The following NUDC variants were observed in gnomAD, a reference collection of about 807,000 sequenced individuals.
The protein encoded by NUDC is nuclear migration protein nudC.
Under a neutral mutation model 45.0 loss-of-function variants are expected in NUDC, and 14 were observed. The ratio of observed to expected loss-of-function variants is 0.31; its 90% CI spans 0.21 to 0.49. The LOEUF (loss-of-function observed/expected upper bound fraction) is 0.49. Among genes scored for constraint, NUDC ranks in the 20% least tolerant of loss-of-function variants. NUDC has a pLI of 0.99. For synonymous variants in NUDC, 153 were observed against 156.7 expected (o/e 0.98, Z 0.17); for missense variants, 323 against 426.2 (o/e 0.76, Z 2.13).
intron 3 of NUDC, among the ~76,000 whole-genome samples, chr1:26,916,132 A>G (rs1471125460): frequency 6.6e-6 from 1 of 152,080 alleles, no homozygotes; most frequent in Non-Finnish European, 1.5e-5. Flanking sequence ...CACGCCTGTA[A>G]TCACAGCACT....
intron 6 of NUDC, 120 bp downstream of exon 6, chr1:26,943,185 A>C: frequency 9.8e-7 from 1 of 1,023,336 alleles, no homozygotes; most frequent in South Asian, 1.3e-5. Flanking sequence ...TCCCCATGAC[A>C]ACACTCTTTA....
intron 2 of NUDC, among the ~76,000 whole-genome samples, chr1:26,935,155 T>C (rs2082218280): frequency 6.6e-6 from 1 of 151,990 alleles, no homozygotes; most frequent in Admixed American, 6.6e-5. Flanking sequence ...CTAATTTTTG[T>C]ATTTTTAGTA....
upstream of NUDC, chr1:26,921,704 G>A: frequency 1.1e-5 from 9 of 849,960 alleles, no homozygotes; most frequent in South Asian, 1.4e-4. Context: ...GTGGAGGCGG[G>A]CCTGGGCAGC....
rs1265791062 is a variant in NUDC, at chr1:26,921,811, G to C, written c.-38G>C. 2 of 1,544,986 alleles carry C rather than the reference G, an allele frequency of 1.3e-6. No homozygotes were observed. The highest frequency in any genetic ancestry group is 2.4e-5 in the East Asian group (1 of 40,934). The stretch of plus-strand genomic sequence containing the variant: ...CAGGAGCGTAGAGAGCGCGGGACTA[G>C]AGTGCAGAGCTCCGGGACGTGGATC... On this transcript the variant is annotated 5_prime_UTR_variant, in exon 1 of 9. Coordinates refer to ENST00000321265, the MANE Select transcript of NUDC (RefSeq NM_006600.4).
chr1:26,923,487 T>G (rs1443139969), intron 1 of NUDC, among the ~76,000 whole-genome samples: 2 of 152,158 alleles, frequency 1.3e-5, no homozygotes, highest in Non-Finnish European at 2.9e-5. Context: ...GTGTCTTTTT[T>G]TTTGTTTAGA....
At chr1:26,901,665 A>C (rs1240443923) in intron 1 of NUDC, among the ~76,000 whole-genome samples, 5 of 152,086 alleles carry the variant, frequency 3.3e-5, no homozygotes, top group African/African-American at 1.2e-4. Context: ...TTGGCCTCCC[A>C]AAGTGCTGAG....
chr1:26,900,470 C>G (rs760371984), intron 1 of NUDC: 40 of 1,579,052 alleles, frequency 2.5e-5, no homozygotes, highest in Non-Finnish European at 2.9e-5. Flanking sequence ...TCAGCTAGAA[C>G]CAAGTCTCGC....
At chr1:26,904,874 CAG>C (rs2081995995) in intron 2 of NUDC, among the ~76,000 whole-genome samples, 1 of 148,012 alleles carries the variant, frequency 6.8e-6, no homozygotes, top group Admixed American at 6.8e-5. Context: ...TTTTCTGAGA[CAG>C]AGTCTTGCTC....
chr1:26,914,716 C>T lies in NUDC; in HGVS notation c.93+3481C>T, dbSNP rs112083739. 2.0e-3 allele frequency among the ~76,000 whole-genome samples: 298 copies of T among 152,200 alleles called. 1 individual carries two copies. The highest frequency in any genetic ancestry group is 3.3e-3 in the Non-Finnish European group (225 of 68,018). ...GCACGGTGGCTCATGCCTGTAATCC[C>T]AGCACTTTGGGAGGCTGAGGAAGGG... On this transcript the variant is annotated intron_variant, in intron 3 of 6. Coordinates refer to the NUDC transcript ENST00000435827.
chr1:26,921,308 A>T (rs72651563), upstream of NUDC, among the ~76,000 whole-genome samples: 459 of 152,298 alleles, frequency 3.0e-3, 2 homozygotes, highest in Non-Finnish European at 5.5e-3. Flanking sequence ...ACTCCCATGA[A>T]GCTGGCCCTA....
At chr1:26,928,246 A>G (rs2082150140) in intron 2 of NUDC, among the ~76,000 whole-genome samples, 1 of 151,988 alleles carries the variant, frequency 6.6e-6, no homozygotes, top group African/African-American at 2.4e-5. Context: ...TGCTACATGA[A>G]TTTTTTTTGG....
At chr1:26,936,718 G>A (rs2082237450) in intron 2 of NUDC, among the ~76,000 whole-genome samples, 1 of 152,048 alleles carries the variant, frequency 6.6e-6, no homozygotes, top group African/African-American at 2.4e-5. Context: ...TTTGAATAAA[G>A]GGTCGTTTGT....
chr1:26,904,018 ATAAATAAATAAATAAAT>A (rs1238341186), intron 2 of NUDC, among the ~76,000 whole-genome samples: 4 of 142,930 alleles, frequency 2.8e-5, no homozygotes, highest in East Asian at 1.9e-4. Context: ...CTCAAAATAA[ATAAATAAATAAATAAAT>A]TAAATAAATA....
intron 3 of NUDC, chr1:26,913,771 C>CG: frequency 1.3e-6 from 2 of 1,565,936 alleles, no homozygotes; most frequent in East Asian, 4.5e-5. Context: ...CAAGGCCTCC[C>CG]GGCAGGTGCG....
chr1:26,945,844 A>G (rs936063933), intron 8 of NUDC, among the ~76,000 whole-genome samples, 158 bp downstream of exon 8: 1 of 151,776 alleles, frequency 6.6e-6, no homozygotes, highest in African/African-American at 2.4e-5. Context: ...TACTCTTGTC[A>G]TTTGCTGAGG....
At chr1:26,916,408 C>G (rs1303006080) in intron 3 of NUDC, among the ~76,000 whole-genome samples, 1 of 151,856 alleles carries the variant, frequency 6.6e-6, no homozygotes. Flanking sequence ...CGAAAAAACC[C>G]CACACACAAA....
chr1:26,914,645 C>T (rs1279995840), intron 3 of NUDC, among the ~76,000 whole-genome samples: 1 of 152,132 alleles, frequency 6.6e-6, no homozygotes, highest in Admixed American at 6.6e-5. Flanking sequence ...GCCAGGTCTG[C>T]TGAGAAGAAC....
chr1:26,908,163 G>A (rs1479476407), intron 2 of NUDC, among the ~76,000 whole-genome samples: 3 of 151,664 alleles, frequency 2.0e-5, no homozygotes. Flanking sequence ...TGGGCAGCAA[G>A]AGTGAAACTC....
chr1:26,923,503 GTCTC>G (rs1275563522), intron 1 of NUDC, among the ~76,000 whole-genome samples: 108 of 151,964 alleles, frequency 7.1e-4, no homozygotes, highest in Non-Finnish European at 1.2e-3. Context: ...TTAGACAAGA[GTCTC>G]TCACCCAGGC....
Sources: gnomAD v4.1 joint callset for allele counts (sites outside exome capture counted in the v4.1 genomes callset) on GRCh38, gnomAD v4.1.1 for gene constraint, MANE v1.5 for transcripts, NCBI Gene and HGNC (gene_info 2026-07-23, HGNC 2026-07-21) for gene names.